SLC4A4: variants seen among roughly 807,000 people sequenced by gnomAD.
SLC4A4 encodes the protein solute carrier family 4 member 4.
Under a neutral mutation model 111.5 loss-of-function variants are expected in SLC4A4, and 27 were observed. The ratio of observed to expected loss-of-function variants is 0.24; its 90% CI spans 0.18 to 0.33. The LOEUF is 0.33. Ranked by LOEUF, SLC4A4 falls within the 10% of genes least tolerant of loss-of-function variation. SLC4A4 has a pLI of 1.00. For synonymous variants in SLC4A4, 443 were observed against 463.4 expected, an observed-to-expected ratio of 0.96 and a Z score of 0.57; for missense variants, 909 against 1,315.5, an observed-to-expected ratio of 0.69 and a Z score of 4.78.
chr4:71,555,476 C>G (rs1352539557), intron 21 of SLC4A4, among the ~76,000 whole-genome samples: 1 of 151,840 alleles, frequency 6.6e-6, no homozygotes, highest in Admixed American at 6.6e-5. Flanking sequence ...TATAATCTTT[C>G]TTTTCCTTCC....
chr4:71,292,312 CT>C (rs1724419881), intron 3 of SLC4A4, among the ~76,000 whole-genome samples: 1 of 152,078 alleles, frequency 6.6e-6, no homozygotes, highest in African/African-American at 2.4e-5. Flanking sequence ...TTATTTTGGC[CT>C]TTAGCTCAGT....
At chr4:71,178,468 T>C (rs1383909575) in intron 2 of SLC4A4, among the ~76,000 whole-genome samples, 2 of 151,254 alleles carry the variant, frequency 1.3e-5, no homozygotes, top group South Asian at 2.1e-4. Context: ...GCAAGACTAA[T>C]AAAGAAGAAA....
At position 71,196,834 on chromosome 4, in the gene SLC4A4, CAAAAAAAAAAAAAAAAAAAAAAAAA is replaced by C. The variant is rs71212000; in HGVS notation, c.-2+9449_-2+9473del. The stretch of plus-strand genomic sequence containing the variant: ...GGGTGACAGAGCAAGACTCTGTCTC[CAAAAAAAAAAAAAAAAAAAAAAAAA>C]AAAAAAAAAAAAAAATGCAGACAGA... On this transcript the variant is annotated intron_variant, in intron 1 of 25. Transcript: ENST00000264485. Among the ~76,000 whole-genome samples the C allele has an allele frequency of 1.4e-3, 28 of 20,320 alleles. 1 individual carries two copies. The highest frequency in any genetic ancestry group is 3.2e-3 in the South Asian group (1 of 316). The allele number at this position is 20,320 out of a possible 152,430, so 13.3% of individuals were successfully genotyped here.
intron 18 of SLC4A4, among the ~76,000 whole-genome samples, chr4:71,538,778 G>A (rs1287129374): frequency 6.6e-6 from 1 of 151,990 alleles, no homozygotes; most frequent in East Asian, 1.9e-4. Context: ...CAGTATTGAT[G>A]TAGGAACGCC....
intron 4 of SLC4A4, among the ~76,000 whole-genome samples, chr4:71,347,298 A>G (rs1313293731): frequency 6.6e-6 from 1 of 152,166 alleles, no homozygotes; most frequent in Non-Finnish European, 1.5e-5. Context: ...AACTTATATT[A>G]TTTGGACAGT....
chr4:71,367,792 A>T (rs1006834267), intron 6 of SLC4A4, among the ~76,000 whole-genome samples: 1 of 152,238 alleles, frequency 6.6e-6, no homozygotes, highest in Non-Finnish European at 1.5e-5. Context: ...TACAGCTTTT[A>T]AACACAGACA....
chr4:71,495,633 G>T (rs1313362167), intron 15 of SLC4A4, among the ~76,000 whole-genome samples: 3 of 151,896 alleles, frequency 2.0e-5, no homozygotes, highest in Non-Finnish European at 2.9e-5. Context: ...ACTCTTTCTG[G>T]GAAGAGATTC....
intron 2 of SLC4A4, among the ~76,000 whole-genome samples, chr4:71,108,509 A>G (rs1242976387): frequency 6.6e-6 from 1 of 152,208 alleles, no homozygotes; most frequent in East Asian, 1.9e-4. Flanking sequence ...ATATGCTGAT[A>G]ATTGTATTGA....
intron 16 of SLC4A4, among the ~76,000 whole-genome samples, chr4:71,517,366 C>T (rs1732503157): frequency 6.6e-6 from 1 of 151,732 alleles, no homozygotes; most frequent in South Asian, 2.1e-4. Context: ...ATCAGTTCTG[C>T]TGTTGATGCT....
Position 71,297,371 on chromosome 4 carries a change from A to G in SLC4A4, c.253+41972A>G, listed in dbSNP as rs191106289. On this transcript the variant is annotated intron_variant, in intron 3 of 25. Coordinates refer to ENST00000264485, the MANE Select transcript of SLC4A4 (RefSeq NM_001098484.3). ...CTGCAGCTGCCGTGTAGCATCATAC[A>G]TCTTCTCTGCAAAGTCATATTACAC... Among the ~76,000 whole-genome samples the G allele has an allele frequency of 1.1e-4, 17 of 152,250 alleles. No homozygotes were observed. In the South Asian group the frequency reaches 1.5e-3, roughly 13 times the overall value.
intron 2 of SLC4A4, among the ~76,000 whole-genome samples, chr4:71,133,703 T>C (rs1315275595): frequency 2.0e-5 from 3 of 152,074 alleles, no homozygotes; most frequent in African/African-American, 7.2e-5. Flanking sequence ...TAGATGTGAG[T>C]CCTAGGAAGT....
chr4:71,473,200 A>G, intron 14 of SLC4A4: 1 of 653,036 alleles, frequency 1.5e-6, no homozygotes, highest in Non-Finnish European at 2.7e-6. Flanking sequence ...AACCAACTCA[A>G]TATTTTGAAA....
intron 1 of SLC4A4, among the ~76,000 whole-genome samples, chr4:71,205,521 C>T (rs369423857): frequency 6.6e-6 from 1 of 152,018 alleles, no homozygotes; most frequent in South Asian, 2.1e-4. Flanking sequence ...CAGAGAAACC[C>T]CTCGATATTG....
chr4:71,484,267 G>T (rs28851263), intron 14 of SLC4A4, among the ~76,000 whole-genome samples: 1 of 151,744 alleles, frequency 6.6e-6, no homozygotes, highest in Non-Finnish European at 1.5e-5. Flanking sequence ...GTCCTGAATG[G>T]TATTGCCTAC....
chr4:71,337,250 G>T (rs1728504426), intron 3 of SLC4A4, among the ~76,000 whole-genome samples: 1 of 152,142 alleles, frequency 6.6e-6, no homozygotes, highest in Non-Finnish European at 1.5e-5. Flanking sequence ...AATCTAAATT[G>T]TGGTGACTGA....
intron 2 of SLC4A4, among the ~76,000 whole-genome samples, chr4:71,145,008 G>A (rs189459993): frequency 2.6e-4 from 39 of 152,060 alleles, no homozygotes; most frequent in Non-Finnish European, 5.3e-4. Context: ...GTGAGAGAGG[G>A]CATCCGTGTC....
At chr4:71,195,213 T>C (rs1745932791) in intron 1 of SLC4A4, among the ~76,000 whole-genome samples, 1 of 150,578 alleles carries the variant, frequency 6.6e-6, no homozygotes, top group African/African-American at 2.4e-5. Context: ...GTTCTTTTCC[T>C]TTTTTCCTGT....
chr4:71,220,879 G>A (rs902965763), intron 1 of SLC4A4, among the ~76,000 whole-genome samples: 12 of 151,948 alleles, frequency 7.9e-5, no homozygotes, highest in South Asian at 2.1e-4. Flanking sequence ...CACACTCCCC[G>A]CTAAAGTAGA....
chr4:71,097,133 T>C (rs1465080523), intron 2 of SLC4A4, among the ~76,000 whole-genome samples: 1 of 152,198 alleles, frequency 6.6e-6, no homozygotes, highest in South Asian at 2.1e-4. Flanking sequence ...GTACGAGGCC[T>C]AGAACCCAAT....
Sources: gnomAD v4.1 joint callset for allele counts (sites outside exome capture counted in the v4.1 genomes callset) on GRCh38, gnomAD v4.1.1 for gene constraint, MANE v1.5 for transcripts, NCBI Gene and HGNC (gene_info 2026-07-23, HGNC 2026-07-21) for gene names.